PAPPA2: variants seen among roughly 807,000 people sequenced by gnomAD.
PAPPA2 encodes pappalysin 2.
PAPPA2 carries 86 observed loss-of-function variants against 176.4 expected under a neutral mutation model. That is an observed-to-expected ratio of 0.49 (90% CI 0.41 to 0.58). The LOEUF (loss-of-function observed/expected upper bound fraction) is 0.58, where lower values mean the gene tolerates loss of function less well. Ranked by LOEUF, PAPPA2 falls within the 20% of genes least tolerant of loss-of-function variation. The pLI is 0.00. For missense variants in PAPPA2, 2,073 were observed against 2,256.9 expected, an observed-to-expected ratio of 0.92 and a Z score of 1.65; for synonymous variants, 809 against 852.2, an observed-to-expected ratio of 0.95 and a Z score of 0.88.
In PAPPA2 at chr1:176,695,754, T is replaced by A; in HGVS notation, c.2641T>A (p.Cys881Ser). 6.2e-7 allele frequency: 1 copy of A among 1,614,070 alleles called. No individual in the cohort carries two copies. The highest frequency in any genetic ancestry group is 8.5e-7 in the Non-Finnish European group (1 of 1,179,964). The change falls in exon 7 of 23, where the codon TGT (cysteine) becomes AGT (serine). Residue 881 changes from cysteine (C) to serine (S), a missense_variant. Coordinates refer to ENST00000367662, the MANE Select transcript of PAPPA2 (RefSeq NM_020318.3). ...TCTCCCCAGGGCCTCAGGCAGCTTGTGTGGCGCTTGCACTGAAGATGGGAC... is the reference window on the plus strand; with the variant it reads ...TCTCCCCAGGGCCTCAGGCAGCTTGAGTGGCGCTTGCACTGAAGATGGGAC... The part of the protein sequence containing the change: ...VVYDRASGSL[C>S]GACTEDGTFR...
chr1:176,765,703 C>T lies in PAPPA2; in HGVS notation c.4189C>T (p.Pro1397Ser), dbSNP rs2102905965. Reference sequence around the variant, plus strand: ...GCCCTGTGGGAAGCAGGACAGCTGTCCGTCATTGCTGCTTGATCATGCTGA... The same window carrying T: ...GCCCTGTGGGAAGCAGGACAGCTGTTCGTCATTGCTGCTTGATCATGCTGA... Reference protein sequence around the residue: ...HRPCGKQDSCPSLLLDHADVV... With the variant: ...HRPCGKQDSCSSLLLDHADVV... The change falls in exon 15 of 23, where the codon CCG (proline) becomes TCG (serine). Residue 1397 changes from proline to serine, a missense_variant. Coordinates refer to ENST00000367662, the MANE Select transcript of PAPPA2 (RefSeq NM_020318.3). The T allele has an allele frequency of 6.2e-7, 1 of 1,614,062 alleles. No individual in the cohort carries two copies. Among genetic ancestry groups the T allele is most frequent in the South Asian group, 1.1e-5 (1 of 91,080 alleles).
rs150600721 is a variant in PAPPA2 at position 176,617,647 on chromosome 1, C to CATATATATATAT, written c.1991+22059_1991+22070dup. Among the ~76,000 whole-genome samples, 17 of 147,910 alleles carry CATATATATATAT rather than the reference C, an allele frequency of 1.1e-4. 1 individual carries two copies. Among genetic ancestry groups the CATATATATATAT allele is most frequent in the Admixed American group, 8.1e-4 (12 of 14,802 alleles). ...TATGGCTGAGTGGTATTCCATGGCG[C>CATATATATATAT]ATATATATATATATATATCACATTT... On this transcript the variant is annotated intron_variant, in intron 3 of 22. Transcript: ENST00000367662.
In PAPPA2 at chr1:176,695,765, C is replaced by T. The variant is rs1354310145; in HGVS notation, c.2652C>T (p.Cys884=). The change falls in exon 7 of 23, where the codon TGC becomes TGT. Residue 884 remains cysteine, a synonymous_variant. Transcript: ENST00000367662. ...DRASGSLCGA[C]TEDGTFRQYV... is the part of the protein sequence containing the mutation. The stretch of plus-strand genomic sequence containing the variant: ...CCTCAGGCAGCTTGTGTGGCGCTTG[C>T]ACTGAAGATGGGACCTTTCGTCAGT... 6.2e-7 allele frequency: 1 copy of T among 1,614,062 alleles called. No individual in the cohort carries two copies. Among genetic ancestry groups the T allele is most frequent in the South Asian group, 1.1e-5 (1 of 91,084 alleles).
intron 14 of PAPPA2, among the ~76,000 whole-genome samples, chr1:176,747,518 A>T (rs952029235): frequency 2.0e-5 from 3 of 152,206 alleles, no homozygotes; most frequent in Non-Finnish European, 4.4e-5. Context: ...ATAAAAAAAT[A>T]AAAATCTTGT....
At chr1:176,733,575 G>C (rs1662261977) in intron 12 of PAPPA2, among the ~76,000 whole-genome samples, 1 of 152,100 alleles carries the variant, frequency 6.6e-6, no homozygotes, top group South Asian at 2.1e-4. Flanking sequence ...ACAGACACAT[G>C]AATAATTGGG....
chr1:176,692,921 G>A (rs1047833346), intron 6 of PAPPA2, among the ~76,000 whole-genome samples: 3 of 152,008 alleles, frequency 2.0e-5, no homozygotes, highest in East Asian at 1.9e-4. Flanking sequence ...ATGATTTTTT[G>A]TCTCTTTGTC....
chr1:176,781,546 G>T (rs1487089464), intron 17 of PAPPA2, among the ~76,000 whole-genome samples: 2 of 151,852 alleles, frequency 1.3e-5, no homozygotes, highest in African/African-American at 4.8e-5. Flanking sequence ...GACTTACCAT[G>T]TCTGAAGTCT....
chr1:176,692,153 C>A lies in PAPPA2; in HGVS notation c.2459C>A (p.Pro820His). 1 of 1,613,864 alleles carries A rather than the reference C, an allele frequency of 6.2e-7. No homozygotes were observed. Among genetic ancestry groups the A allele is most frequent in the Non-Finnish European group, 8.5e-7 (1 of 1,179,840 alleles). The change falls in exon 6 of 23, where the codon CCT becomes CAT. Residue 820 changes from proline (P) to histidine (H), a missense_variant. Coordinates refer to ENST00000367662, the MANE Select transcript of PAPPA2 (RefSeq NM_020318.3). Reference protein sequence around the residue: ...TDDNCTDNFTPNQVARMHCYL... With the variant: ...TDDNCTDNFTHNQVARMHCYL... ...GATAACTGCACTGACAACTTCACTC[C>A]TAACCAAGTGGCCCGAATGCATTGC... is the stretch of plus-strand genomic sequence containing the variant.
At chr1:176,534,846 G>A (rs1178929086) in intron 1 of PAPPA2, among the ~76,000 whole-genome samples, 1 of 152,076 alleles carries the variant, frequency 6.6e-6, no homozygotes, top group Non-Finnish European at 1.5e-5. Flanking sequence ...GAAGAATGAA[G>A]GAGAAGAAGG....
chr1:176,712,010 A>G, intron 12 of PAPPA2, 29 bp downstream of exon 12: 1 of 1,596,986 alleles, frequency 6.3e-7, no homozygotes, highest in Non-Finnish European at 8.6e-7. Flanking sequence ...TCTTTTGTGC[A>G]TGTGAAAGGT....
chr1:176,644,629 C>T (rs949752684), intron 3 of PAPPA2, among the ~76,000 whole-genome samples: 5 of 151,684 alleles, frequency 3.3e-5, no homozygotes, highest in Non-Finnish European at 5.9e-5. Context: ...GGCTGGAAAA[C>T]AGGGACAATC....
At chr1:176,549,191 T>G (rs970516988) in intron 1 of PAPPA2, among the ~76,000 whole-genome samples, 19 of 152,232 alleles carry the variant, frequency 1.2e-4, no homozygotes, top group Non-Finnish European at 8.8e-5. Flanking sequence ...GACATCTTTT[T>G]CCATATAATA....
intron 3 of PAPPA2, among the ~76,000 whole-genome samples, chr1:176,644,630 A>G (rs1573185143): frequency 2.0e-5 from 3 of 151,826 alleles, no homozygotes; most frequent in Non-Finnish European, 4.4e-5. Context: ...GCTGGAAAAC[A>G]GGGACAATCT....
In PAPPA2 at chr1:176,706,415, A is replaced by C. The variant is rs2102828062; in HGVS notation, c.3422A>C (p.Lys1141Thr). ...CTTGTGAGCGGAGATGGCTGCTCCA[A>C]GGTGTGTGAGCTGGAGGAAGGTTTC... ...GDLVSGDGCS[K>T]VCELEEGFNC... Residue 1141 changes from lysine to threonine, a missense_variant, in exon 10 of 23, where the codon AAG becomes ACG. Around this residue, in one of 4 missense-constraint regions of PAPPA2, gnomAD observed 846 missense variants for 857.9 expected, o/e 0.99. Transcript: ENST00000367662. 1 of 1,613,836 alleles carries C rather than the reference A, an allele frequency of 6.2e-7. No individual in the cohort carries two copies. Among genetic ancestry groups the C allele is most frequent in the Non-Finnish European group, 8.5e-7 (1 of 1,179,810 alleles).
intron 1 of PAPPA2, among the ~76,000 whole-genome samples, chr1:176,501,899 T>A (rs1195239587): frequency 6.6e-6 from 1 of 152,164 alleles, no homozygotes; most frequent in Non-Finnish European, 1.5e-5. Flanking sequence ...GTGACACTGA[T>A]ATCATTTATA....
intron 10 of PAPPA2, among the ~76,000 whole-genome samples, chr1:176,707,834 G>A (rs896250695): frequency 1.3e-5 from 2 of 152,058 alleles, no homozygotes; most frequent in Non-Finnish European, 2.9e-5. Context: ...CTACCATTCA[G>A]ATATTTGAAA....
intron 1 of PAPPA2, among the ~76,000 whole-genome samples, chr1:176,548,614 C>T (rs142805453): frequency 6.6e-6 from 1 of 151,946 alleles, no homozygotes; most frequent in Non-Finnish European, 1.5e-5. Flanking sequence ...TGAGTGAGAG[C>T]TCTGGAAACG....
chr1:176,651,705 A>G (rs1657736154), intron 3 of PAPPA2, among the ~76,000 whole-genome samples: 1 of 151,358 alleles, frequency 6.6e-6, no homozygotes, highest in African/African-American at 2.4e-5. Flanking sequence ...GTTTTCTGTC[A>G]TTATTTTTTT....
chr1:176,760,482 A>G (rs1663648512), intron 14 of PAPPA2, among the ~76,000 whole-genome samples: 1 of 152,236 alleles, frequency 6.6e-6, no homozygotes, highest in African/African-American at 2.4e-5. Context: ...TAAACATCAA[A>G]TGCTGGAATC....
Sources: allele counts gnomAD v4.1 joint callset (sites outside exome capture counted in the v4.1 genomes callset), GRCh38; gene constraint gnomAD v4.1.1; regional missense constraint gnomAD v4.1.1; transcripts MANE v1.5; gene names NCBI Gene and HGNC (gene_info 2026-07-23, HGNC 2026-07-21).